Variants in OSBPL3 observed in about 807,000 individuals in gnomAD.
The protein encoded by OSBPL3 is oxysterol-binding protein-related protein 3.
In OSBPL3, 65 loss-of-function variants were observed where a neutral mutation model predicts 120.1. That is an observed-to-expected ratio of 0.54 (90% CI 0.44 to 0.67). The LOEUF is 0.67. OSBPL3 is among the 30% of genes least tolerant of loss of function. The probability of loss-of-function intolerance (pLI) is 0.00; values close to 1 mark genes in which losing one functional copy is unlikely to be tolerated. For missense variants in OSBPL3, 1,004 were observed against 1,082.1 expected (o/e 0.93, Z 1.01); for synonymous variants, 416 against 402.6 (o/e 1.03, Z -0.40).
Position 24,852,366 on chromosome 7 carries a change from T to C in OSBPL3, c.1158+138A>G, listed in dbSNP as rs1022936898. 1.2e-5 allele frequency: 8 copies of C among 661,568 alleles called. No individual in the cohort carries two copies. The highest frequency in any genetic ancestry group is 1.8e-5 in the Non-Finnish European group (8 of 442,958). 41.0% of individuals were successfully genotyped at this position (661,568 alleles called of 1,614,324 possible). ...GTTTTGGTGTTTCAAATAAGCAGAT[T>C]TGATGAAAGGTTAGAATATAATTTG... is the stretch of plus-strand genomic sequence containing the variant. On this transcript the variant is annotated intron_variant, in intron 11 of 22. Transcript: ENST00000313367. The surrounding 1 kb of genome is among the most constrained non-coding windows in gnomAD (Gnocchi z 4.1).
intron 10 of OSBPL3, among the ~76,000 whole-genome samples, chr7:24,860,503 T>G (rs1800375875): frequency 6.6e-6 from 1 of 152,210 alleles, no homozygotes; most frequent in South Asian, 2.1e-4. Context: ...CACTTAGCTT[T>G]AATTCTCTCT....
At position 24,917,401 on chromosome 7, in the gene OSBPL3, CATATATATAT is replaced by C. The variant is rs59525014; in HGVS notation, c.-149-24790_-149-24781del. 8.5e-4 allele frequency among the ~76,000 whole-genome samples: 85 copies of C among 100,050 alleles called. 1 individual carries two copies. The highest frequency in any genetic ancestry group is 1.1e-3 in the Non-Finnish European group (53 of 50,382). 65.6% of individuals were successfully genotyped at this position (100,050 alleles called of 152,430 possible). On this transcript the variant is annotated intron_variant, in intron 1 of 22. Coordinates refer to ENST00000313367, the MANE Select transcript of OSBPL3 (RefSeq NM_015550.4). ...TTGTAACATATATATATATTTGTAA[CATATATATAT>C]ATATATATATATATATTTGTAACAT... is the stretch of plus-strand genomic sequence containing the variant.
rs1449116405 is a variant in OSBPL3 at position 24,952,255 on chromosome 7, A to T, written c.-150+27631T>A. 3.9e-5 allele frequency among the ~76,000 whole-genome samples: 6 copies of T among 152,214 alleles called. No individual in the cohort carries two copies. Among genetic ancestry groups the T allele is most frequent in the African/African-American group, 1.4e-4 (6 of 41,466 alleles). Reference sequence around the variant, plus strand: ...GTGGGTTAGGATCTGTAATCTAAACAGAATTAAGAAAAAAAATTAAGAAGC... The same window carrying T: ...GTGGGTTAGGATCTGTAATCTAAACTGAATTAAGAAAAAAAATTAAGAAGC... On this transcript the variant is annotated intron_variant, in intron 1 of 22. Coordinates refer to ENST00000313367, the MANE Select transcript of OSBPL3 (RefSeq NM_015550.4). The surrounding 1 kb of genome is among the most constrained non-coding windows in gnomAD (Gnocchi z 4.4).
rs1197747609 is a variant in OSBPL3, at chr7:24,879,131, G to C, written c.97-7062C>G. Among the ~76,000 whole-genome samples the C allele has an allele frequency of 6.6e-6, 1 of 152,170 alleles. No individual in the cohort carries two copies. Among genetic ancestry groups the C allele is most frequent in the Non-Finnish European group, 1.5e-5 (1 of 68,032 alleles). On this transcript the variant is annotated intron_variant, in intron 2 of 22. Coordinates refer to ENST00000313367, the MANE Select transcript of OSBPL3 (RefSeq NM_015550.4). This position sits in a 1 kb window ranked among gnomAD's most constrained non-coding sequence, Gnocchi z 5.6. ...AAAGTCTCTGGAGTGCTCCATCAGA[G>C]GCTGGTGGTCACCTGGCAGAGGCAC...
Position 24,938,475 on chromosome 7 carries a change from T to C in OSBPL3, c.-150+41411A>G, listed in dbSNP as rs894429469. Among the ~76,000 whole-genome samples, 19 of 152,230 alleles carry C rather than the reference T, an allele frequency of 1.2e-4. No individual in the cohort carries two copies. Among genetic ancestry groups the C allele is most frequent in the African/African-American group, 2.9e-4 (12 of 41,462 alleles). ...ACAGGTAGGCATTCCAAAGCTGATA[T>C]GGCAGCTTCATGGTTATAATGACCA... On this transcript the variant is annotated intron_variant, in intron 1 of 22. Transcript: ENST00000313367. The surrounding 1 kb of genome is among the most constrained non-coding windows in gnomAD (Gnocchi z 5.8).
chr7:24,809,750 G>A lies in OSBPL3; in HGVS notation c.2317+57C>T. On this transcript the variant is annotated intron_variant, in intron 20 of 22. Transcript: ENST00000313367. Reference sequence around the variant, plus strand: ...ACTCCTGTCCTCTGTGGCTTCTTGTGTCATGCCCACCCATCCACCCACTCA... The same window carrying A: ...ACTCCTGTCCTCTGTGGCTTCTTGTATCATGCCCACCCATCCACCCACTCA... 3 of 1,564,750 alleles carry A rather than the reference G, an allele frequency of 1.9e-6. No homozygotes were observed. The East Asian group carries it at 6.8e-5, about 35-fold the overall frequency.
At chr7:24,893,974 C>A (rs1805747365) in intron 1 of OSBPL3, among the ~76,000 whole-genome samples, 1 of 151,950 alleles carries the variant, frequency 6.6e-6, no homozygotes, top group African/African-American at 2.4e-5. Flanking sequence ...TTAACAACAT[C>A]AAAATATACA....
chr7:24,885,768 G>A (rs914519713), intron 2 of OSBPL3, among the ~76,000 whole-genome samples: 4 of 152,012 alleles, frequency 2.6e-5, no homozygotes, highest in African/African-American at 7.3e-5. Flanking sequence ...TCATAGCTTC[G>A]TATATCCCTG....
intron 14 of OSBPL3, among the ~76,000 whole-genome samples, chr7:24,836,571 C>T (rs185334999): frequency 2.0e-5 from 3 of 152,258 alleles, no homozygotes; most frequent in African/African-American, 4.8e-5. Context: ...TCTTTTCCTT[C>T]GTTTCATGCT....
In OSBPL3 at chr7:24,824,300, G is replaced by A. The variant is rs1021876244; in HGVS notation, c.1885-4062C>T. On this transcript the variant is annotated intron_variant, in intron 16 of 22. Transcript: ENST00000313367. The surrounding 1 kb of genome is among the most constrained non-coding windows in gnomAD (Gnocchi z 4.9). ...TATATCTGAGGCCTTTCTTTACCTT[G>A]ACCTAATCATTTTTAATTTATGCTT... is the stretch of plus-strand genomic sequence containing the variant. 4.6e-5 allele frequency among the ~76,000 whole-genome samples: 7 copies of A among 152,118 alleles called. No individual in the cohort carries two copies. Among genetic ancestry groups the A allele is most frequent in the African/African-American group, 1.7e-4 (7 of 41,416 alleles).
intron 1 of OSBPL3, among the ~76,000 whole-genome samples, chr7:24,924,741 T>C (rs961044373): frequency 2.4e-5 from 2 of 83,276 alleles, no homozygotes; most frequent in African/African-American, 7.5e-5. Flanking sequence ...TCCTGAGGCC[T>C]GTATGAGCAG....
At position 24,805,824 on chromosome 7, in the gene OSBPL3, A is replaced by C. The variant is rs149688740; in HGVS notation, c.2444+952T>G. On this transcript the variant is annotated intron_variant, in intron 21 of 22. Coordinates refer to ENST00000313367, the MANE Select transcript of OSBPL3 (RefSeq NM_015550.4). The surrounding 1 kb of genome is among the most constrained non-coding windows in gnomAD (Gnocchi z 4.0). ...TACCTCCCTATGTCCATTTTTTCTAATGGGTTGATCTGTTACTAGATTTCT... is the reference window on the plus strand; with the variant it reads ...TACCTCCCTATGTCCATTTTTTCTACTGGGTTGATCTGTTACTAGATTTCT... Among the ~76,000 whole-genome samples the C allele has an allele frequency of 1.1e-4, 16 of 152,206 alleles. No individual in the cohort carries two copies. In the South Asian group the frequency reaches 1.9e-3, roughly 18 times the overall value.
chr7:24,929,772 T>TA (rs201115804), intron 1 of OSBPL3, among the ~76,000 whole-genome samples: 2,509 of 152,280 alleles, frequency 0.016, 70 homozygotes, highest in African/African-American at 0.057. Context: ...TACCTGTTTT[T>TA]AAAAAACGTT....
intron 2 of OSBPL3, among the ~76,000 whole-genome samples, chr7:24,882,889 A>T (rs1803923238): frequency 6.6e-6 from 1 of 151,868 alleles, no homozygotes; most frequent in African/African-American, 2.4e-5. Flanking sequence ...ATGTTTATTC[A>T]TGTCCTTTGC....
In OSBPL3 at chr7:24,898,478, C is replaced by T. The variant is rs1806499425; in HGVS notation, c.-149-5857G>A. Among the ~76,000 whole-genome samples the T allele has an allele frequency of 1.3e-5, 2 of 152,118 alleles. No individual in the cohort carries two copies. The highest frequency in any genetic ancestry group is 4.8e-5 in the African/African-American group (2 of 41,388). ...AATCTTATTCTCACTTTTGGCAAGA[C>T]AGGAGTCAAGAGGCCTAAAGACTCA... On this transcript the variant is annotated intron_variant, in intron 1 of 22. Coordinates refer to ENST00000313367, the MANE Select transcript of OSBPL3 (RefSeq NM_015550.4). This position sits in a 1 kb window ranked among gnomAD's most constrained non-coding sequence, Gnocchi z 4.3.
chr7:24,892,998 C>G (rs192157083), intron 1 of OSBPL3, among the ~76,000 whole-genome samples: 2 of 152,158 alleles, frequency 1.3e-5, no homozygotes, highest in East Asian at 3.9e-4. Flanking sequence ...GAAATTGGAA[C>G]CCTCAGACAT....
At chr7:24,943,820 T>C (rs1813376836) in intron 1 of OSBPL3, among the ~76,000 whole-genome samples, 1 of 152,168 alleles carries the variant, frequency 6.6e-6, no homozygotes, top group African/African-American at 2.4e-5. Context: ...AGAATAAATA[T>C]CATAAATAGA....
chr7:24,938,603 A>T lies in OSBPL3; in HGVS notation c.-150+41283T>A, dbSNP rs778487627. Reference sequence around the variant, plus strand: ...CAAATTTGAAGGCCAGAAGAAGGAAAAGTTGAAGAGCAAAAGGGTATACCT... The same window carrying T: ...CAAATTTGAAGGCCAGAAGAAGGAATAGTTGAAGAGCAAAAGGGTATACCT... On this transcript the variant is annotated intron_variant, in intron 1 of 22. Transcript: ENST00000313367. The surrounding 1 kb of genome is among the most constrained non-coding windows in gnomAD (Gnocchi z 5.8). Among the ~76,000 whole-genome samples the T allele has an allele frequency of 6.6e-6, 1 of 152,172 alleles. No homozygotes were observed. The highest frequency in any genetic ancestry group is 1.5e-5 in the Non-Finnish European group (1 of 68,036).
chr7:24,832,039 CA>C (rs970850267), intron 15 of OSBPL3, among the ~76,000 whole-genome samples: 8 of 151,270 alleles, frequency 5.3e-5, no homozygotes, highest in African/African-American at 1.5e-4. Flanking sequence ...CTCTTCTCTA[CA>C]AAAAAAATAC....
Sources: allele counts gnomAD v4.1 joint callset (sites outside exome capture counted in the v4.1 genomes callset), GRCh38; gene constraint gnomAD v4.1.1; non-coding constraint Gnocchi (gnomAD v3.1); transcripts MANE v1.5; gene names NCBI Gene and HGNC (gene_info 2026-07-23, HGNC 2026-07-21).